The following GRID1 variants were observed in gnomAD, a reference collection of about 807,000 sequenced individuals.
GRID1 encodes glutamate ionotropic receptor delta type subunit 1, also known as glutamate receptor ionotropic, delta-1.
Under a neutral mutation model 98.0 loss-of-function variants are expected in GRID1, and 28 were observed. That is an observed-to-expected ratio of 0.29 (90% CI 0.21 to 0.39). The LOEUF is 0.39. Ranked by LOEUF, GRID1 falls within the 10% of genes least tolerant of loss-of-function variation. The probability of loss-of-function intolerance (pLI) is 1.00; values close to 1 mark genes in which losing one functional copy is unlikely to be tolerated. For synonymous variants in GRID1, 553 were observed against 538.5 expected (o/e 1.03, Z -0.37); for missense variants, 1,111 against 1,340.5 (o/e 0.83, Z 2.67).
At chr10:85,665,058 G>T (rs373789149) in intron 12 of GRID1, among the ~76,000 whole-genome samples, 4 of 152,070 alleles carry the variant, frequency 2.6e-5, no homozygotes, top group Non-Finnish European at 4.4e-5. Flanking sequence ...TAAATGATAC[G>T]TCATTATTAG....
At chr10:86,102,330 T>C (rs1844308317) in intron 4 of GRID1, among the ~76,000 whole-genome samples, 1 of 152,188 alleles carries the variant, frequency 6.6e-6, no homozygotes, top group African/African-American at 2.4e-5. Flanking sequence ...GTAATCAGAA[T>C]CCAGACACAT....
At chr10:86,298,519 G>T (rs901651465) in intron 2 of GRID1, among the ~76,000 whole-genome samples, 3 of 152,174 alleles carry the variant, frequency 2.0e-5, no homozygotes, top group Non-Finnish European at 4.4e-5. Flanking sequence ...GTGGGGCTAT[G>T]GGCAGCCCTG....
At chr10:86,314,195 C>G (rs1178542400) in intron 2 of GRID1, among the ~76,000 whole-genome samples, 1 of 152,230 alleles carries the variant, frequency 6.6e-6, no homozygotes, top group African/African-American at 2.4e-5. Context: ...CCCTCAGATA[C>G]TGTAGCCAAG....
intron 4 of GRID1, among the ~76,000 whole-genome samples, chr10:85,940,119 G>T (rs1841981231): frequency 6.6e-6 from 1 of 151,168 alleles, no homozygotes; most frequent in South Asian, 2.1e-4. Flanking sequence ...TGGGCAGGGG[G>T]CATTGTTCTG....
intron 2 of GRID1, among the ~76,000 whole-genome samples, chr10:86,334,035 C>T (rs376246083): frequency 1.2e-4 from 18 of 152,102 alleles, no homozygotes; most frequent in South Asian, 2.1e-4. Context: ...TCAAGCTGTG[C>T]GCTGCCTGGC....
intron 8 of GRID1, among the ~76,000 whole-genome samples, chr10:85,806,233 T>C (rs984395060): frequency 1.3e-5 from 2 of 152,226 alleles, no homozygotes; most frequent in Admixed American, 6.5e-5. Context: ...ATATTATTAG[T>C]CTTTATAGAA....
intron 8 of GRID1, among the ~76,000 whole-genome samples, chr10:85,822,433 A>C (rs1425061915): frequency 6.6e-6 from 1 of 152,224 alleles, no homozygotes; most frequent in East Asian, 1.9e-4. Context: ...AGACACATGA[A>C]AAAATGCTCA....
intron 3 of GRID1, among the ~76,000 whole-genome samples, chr10:86,194,276 C>T (rs763660533): frequency 6.6e-6 from 1 of 152,096 alleles, no homozygotes; most frequent in African/African-American, 2.4e-5. Flanking sequence ...CGGCCAAGAA[C>T]TAGAAGCCAC....
intron 4 of GRID1, among the ~76,000 whole-genome samples, chr10:85,970,105 G>A (rs1842387680): frequency 6.6e-6 from 1 of 151,916 alleles, no homozygotes. Context: ...ACAAACTGCT[G>A]AAACTCTCTC....
At chr10:86,207,766 G>A (rs1382429579) in intron 2 of GRID1, among the ~76,000 whole-genome samples, 1 of 151,406 alleles carries the variant, frequency 6.6e-6, no homozygotes, top group African/African-American at 2.4e-5. Flanking sequence ...CCTGTAGCTG[G>A]GACTACAGGC....
At chr10:86,024,410 T>C (rs1843089678) in intron 4 of GRID1, among the ~76,000 whole-genome samples, 6 of 152,202 alleles carry the variant, frequency 3.9e-5, no homozygotes, top group Admixed American at 3.9e-4. Flanking sequence ...CTCTCATCTG[T>C]CACACATCAA....
chr10:85,626,191 G>A (rs117060938), intron 13 of GRID1, among the ~76,000 whole-genome samples: 24 of 152,242 alleles, frequency 1.6e-4, no homozygotes, highest in Admixed American at 5.9e-4. Context: ...AATACTTCTC[G>A]AGGGCAGAAG....
chr10:85,723,234 C>G, intron 11 of GRID1, 93 bp from the exon 12 acceptor site: 2 of 1,288,218 alleles, frequency 1.6e-6, no homozygotes, highest in Non-Finnish European at 2.1e-6. Flanking sequence ...GGCACACAGG[C>G]CATCACTCGT....
At position 85,737,673 on chromosome 10, in the gene GRID1, T is replaced by TAA. The variant is rs1554828154; in HGVS notation, c.1234-8061_1234-8060dup. Among the ~76,000 whole-genome samples, 343 of 113,008 alleles carry TAA rather than the reference T, an allele frequency of 3.0e-3. 21 individuals are homozygous for TAA. The highest frequency in any genetic ancestry group is 4.1e-3 in the South Asian group (15 of 3,620). 74.1% of individuals were successfully genotyped at this position (113,008 alleles called of 152,430 possible). A position where few individuals can be genotyped will look rare whatever the true frequency, so the allele number is the denominator to read the frequency against. On this transcript the variant is annotated intron_variant, in intron 8 of 15. Transcript: ENST00000327946. ...ATATATATATATATATATATATATA[T>TAA]AAACATATATGGTTATATATATATA... is the stretch of plus-strand genomic sequence containing the variant.
chr10:85,855,788 A>G (rs973915087), intron 7 of GRID1, among the ~76,000 whole-genome samples: 1 of 152,130 alleles, frequency 6.6e-6, no homozygotes, highest in African/African-American at 2.4e-5. Flanking sequence ...AAGTTGCTTA[A>G]CCTCTCAGAA....
rs1209372210 is a variant in GRID1, at chr10:85,770,214, CAG to C, written c.1234-40602_1234-40601del. Among the ~76,000 whole-genome samples the C allele has an allele frequency of 1.2e-4, 18 of 152,292 alleles. No individual in the cohort carries two copies. The East Asian group carries it at 1.7e-3, about 15-fold the overall frequency. ...CCACCGCTGCTGGTACCCAGGCAAACAGGGTCTGGAGTGGACCTCTAGCAAAC... is the reference window on the plus strand; with the variant it reads ...CCACCGCTGCTGGTACCCAGGCAAACGGTCTGGAGTGGACCTCTAGCAAAC... On this transcript the variant is annotated intron_variant, in intron 8 of 15. Coordinates refer to ENST00000327946, the MANE Select transcript of GRID1 (RefSeq NM_017551.3).
At chr10:86,158,660 G>T (rs1845279346) in intron 3 of GRID1, among the ~76,000 whole-genome samples, 1 of 152,148 alleles carries the variant, frequency 6.6e-6, no homozygotes, top group South Asian at 2.1e-4. Context: ...CTGAAACATG[G>T]CTGAGAGGTT....
At chr10:86,238,349 C>T (rs908188696) in intron 2 of GRID1, among the ~76,000 whole-genome samples, 2 of 152,154 alleles carry the variant, frequency 1.3e-5, no homozygotes, top group Non-Finnish European at 2.9e-5. Flanking sequence ...ACAGGCACTC[C>T]AGCTCCAGCC....
At chr10:86,112,144 A>G (rs4460754) in intron 4 of GRID1, among the ~76,000 whole-genome samples, 136,363 of 152,130 alleles carry the variant, frequency 0.9, 61,174 homozygotes, top group East Asian at 1. Flanking sequence ...ACAGCACCTC[A>G]TCCCTATGAC....
Sources: gnomAD v4.1 joint callset for allele counts (sites outside exome capture counted in the v4.1 genomes callset) on GRCh38, gnomAD v4.1.1 for gene constraint, MANE v1.5 for transcripts, NCBI Gene and HGNC (gene_info 2026-07-23, HGNC 2026-07-21) for gene names.